UBA3: variants seen among roughly 807,000 people sequenced by gnomAD.
The protein encoded by UBA3 is NEDD8-activating enzyme E1 catalytic subunit.
A neutral mutation model predicts 73.5 loss-of-function variants in UBA3; 26 were observed. The ratio of observed to expected loss-of-function variants is 0.35; its 90% CI spans 0.26 to 0.49. UBA3 has a LOEUF of 0.49. Among genes scored for constraint, UBA3 ranks in the 20% least tolerant of loss-of-function variants. The probability of loss-of-function intolerance (pLI) is 0.98; values close to 1 mark genes in which losing one functional copy is unlikely to be tolerated. For missense variants in UBA3, 495 were observed against 555.6 expected (o/e 0.89, Z 1.10); for synonymous variants, 217 against 191.2 (o/e 1.13, Z -1.11).
intron 1 of UBA3, 55 bp from the exon 2 acceptor site, chr3:69,080,208 AG>A: frequency 5.1e-6 from 3 of 589,722 alleles, no homozygotes; most frequent in Non-Finnish European, 8.4e-6. Flanking sequence ...GGGCGCCGCG[AG>A]GGGAGGGGGG....
In UBA3 at chr3:69,079,308, G is replaced by T. The variant is rs543794112; in HGVS notation, c.62+804C>A. Among the ~76,000 whole-genome samples, 23 of 152,346 alleles carry T rather than the reference G, an allele frequency of 1.5e-4. No individual in the cohort carries two copies. The South Asian group carries it at 4.8e-3, about 32-fold the overall frequency. On this transcript the variant is annotated intron_variant, in intron 2 of 17. Transcript: ENST00000361055. The stretch of plus-strand genomic sequence containing the variant: ...TGGGAGGGAAATAAAAGGCAGGAAA[G>T]AATGTGAAATTAAGTTTGTCATCCC...
intron 2 of UBA3, among the ~76,000 whole-genome samples, chr3:69,078,381 T>C (rs1005329113): frequency 6.6e-6 from 1 of 152,256 alleles, no homozygotes; most frequent in Non-Finnish European, 1.5e-5. Context: ...GCAAATTTAA[T>C]ATTTATGTGT....
intron 1 of UBA3, 85 bp downstream of exon 1, chr3:69,080,249 C>T (rs2092207696): frequency 6.4e-7 from 1 of 1,555,268 alleles, no homozygotes; most frequent in South Asian, 1.2e-5. Flanking sequence ...GTGTGGGGAC[C>T]CCGGGTGGCG....
In UBA3 at chr3:69,057,315, A is replaced by G; in HGVS notation, c.911-6T>C. The G allele has an allele frequency of 6.2e-7, 1 of 1,607,288 alleles. No homozygotes were observed. Among genetic ancestry groups the G allele is most frequent in the South Asian group, 1.1e-5 (1 of 89,568 alleles). ...AATGATTCTTTTTACTACCCCTGAA[A>G]AAACATATCAATTAAAATATGGTCA... On this transcript the variant is annotated splice_region_variant and splice_polypyrimidine_tract_variant and intron_variant, in intron 11 of 17. Coordinates refer to ENST00000361055, the MANE Select transcript of UBA3 (RefSeq NM_003968.4).
At chr3:69,056,368 GT>G in intron 14 of UBA3, 85 bp from the exon 15 acceptor site, 1 of 1,182,066 alleles carries the variant, frequency 8.5e-7, no homozygotes, top group Non-Finnish European at 1.2e-6. Context: ...AAATCAGGTT[GT>G]TTTATAATCA....
chr3:69,057,535 T>C (rs2107480119), intron 11 of UBA3, among the ~76,000 whole-genome samples: 1 of 152,336 alleles, frequency 6.6e-6, no homozygotes, highest in Non-Finnish European at 1.5e-5. Flanking sequence ...AAGTAAGTGC[T>C]ATAGAAAGGT....
chr3:69,078,665 G>T (rs915387805), intron 2 of UBA3, among the ~76,000 whole-genome samples: 2 of 152,050 alleles, frequency 1.3e-5, no homozygotes, highest in Non-Finnish European at 2.9e-5. Flanking sequence ...GTAGAGACGG[G>T]TTTCGCCATG....
intron 6 of UBA3, among the ~76,000 whole-genome samples, 158 bp from the exon 7 acceptor site, chr3:69,064,269 C>T (rs569276790): frequency 3.8e-4 from 58 of 152,208 alleles, no homozygotes; most frequent in Non-Finnish European, 7.5e-4. Context: ...ATGAACACAA[C>T]TCTCCTTTCT....
Position 69,057,243 on chromosome 3 carries a change from T to C in UBA3, c.964+13A>G. ...AAGCAAAATAAACTAAGTGATGGCC[T>C]TTTCTTCCTCACCTGCAATGACTGC... On this transcript the variant is annotated intron_variant, in intron 12 of 17. Coordinates refer to ENST00000361055, the MANE Select transcript of UBA3 (RefSeq NM_003968.4). 1 of 1,605,394 alleles carries C rather than the reference T, an allele frequency of 6.2e-7. No individual in the cohort carries two copies. The highest frequency in any genetic ancestry group is 8.5e-7 in the Non-Finnish European group (1 of 1,177,744).
chr3:69,058,798 A>G (rs1490162976), intron 11 of UBA3, among the ~76,000 whole-genome samples: 1 of 152,216 alleles, frequency 6.6e-6, no homozygotes, highest in Non-Finnish European at 1.5e-5. Flanking sequence ...TACTGAGAAC[A>G]AGGGGAAAAA....
intron 3 of UBA3, 157 bp downstream of exon 3, chr3:69,077,641 G>T (rs2092179138): frequency 2.6e-6 from 2 of 765,612 alleles, no homozygotes; most frequent in Non-Finnish European, 3.8e-6. Context: ...AACAAAATCA[G>T]TTGTGAATAT....
At chr3:69,076,793 A>C (rs1247118578) in intron 3 of UBA3, among the ~76,000 whole-genome samples, 1 of 144,494 alleles carries the variant, frequency 6.9e-6, no homozygotes, top group East Asian at 2.0e-4. Flanking sequence ...GGTTCTCTCT[A>C]TGTTGCCCAG....
intron 9 of UBA3, among the ~76,000 whole-genome samples, chr3:69,062,683 G>A (rs1254483849): frequency 6.6e-6 from 1 of 152,116 alleles, no homozygotes; most frequent in Admixed American, 6.5e-5. Context: ...AAATACAGGT[G>A]AAAACCACAT....
chr3:69,071,866 A>G (rs2092124781), intron 4 of UBA3, among the ~76,000 whole-genome samples: 2 of 152,202 alleles, frequency 1.3e-5, no homozygotes, highest in Admixed American at 6.5e-5. Context: ...CTACGGATTG[A>G]AACTATTTTA....
chr3:69,068,634 G>A (rs1260609551), intron 5 of UBA3, among the ~76,000 whole-genome samples: 1 of 151,674 alleles, frequency 6.6e-6, no homozygotes, highest in East Asian at 1.9e-4. Flanking sequence ...CCAGGCTGGA[G>A]TGCAGTGGTG....
chr3:69,056,165 A>C lies in UBA3; in HGVS notation c.1184+18T>G. On this transcript the variant is annotated intron_variant, in intron 15 of 17. Coordinates refer to ENST00000361055, the MANE Select transcript of UBA3 (RefSeq NM_003968.4). The stretch of plus-strand genomic sequence containing the variant: ...CAAAAATGATTTTTACAACATAACA[A>C]AAATCTACAATACTTACAGAGAAGC... The C allele has an allele frequency of 6.4e-7, 1 of 1,567,254 alleles. No individual in the cohort carries two copies. Among genetic ancestry groups the C allele is most frequent in the Non-Finnish European group, 8.6e-7 (1 of 1,163,626 alleles).
chr3:69,080,102 CAG>C lies in UBA3; in HGVS notation c.62+8_62+9del. ...CCCGGAGAGGGCCCCGGCCTCCCGG[CAG>C]CACTAACTTCTCAGCCAGCAGCTCC... On this transcript the variant is annotated splice_region_variant and intron_variant, in intron 2 of 17. Transcript: ENST00000361055. The C allele has an allele frequency of 6.2e-7, 1 of 1,608,230 alleles. No homozygotes were observed. Among genetic ancestry groups the C allele is most frequent in the Non-Finnish European group, 8.5e-7 (1 of 1,178,512 alleles).
In UBA3 at chr3:69,061,905, ATC is replaced by A. The variant is rs756687928; in HGVS notation, c.817_818del (p.Asp273Ter). On this transcript the variant is annotated frameshift_variant, in exon 11 of 18. Transcript: ENST00000361055. LOFTEE classifies it high-confidence loss of function. ...PFGEGVPLDG[D>X]DPEHIQWIFQ... Reference sequence around the variant, plus strand: ...AAATCCATTGTATATGTTCAGGATCATCTCCATCTAATGGAACCCCTTCTGTT... The same window carrying A: ...AAATCCATTGTATATGTTCAGGATCATCCATCTAATGGAACCCCTTCTGTT... The A allele has an allele frequency of 1.2e-6, 2 of 1,605,924 alleles. No individual in the cohort carries two copies. Among genetic ancestry groups the A allele is most frequent in the Non-Finnish European group, 1.7e-6 (2 of 1,177,060 alleles).
At chr3:69,078,319 C>G (rs906170084) in intron 2 of UBA3, among the ~76,000 whole-genome samples, 1 of 152,054 alleles carries the variant, frequency 6.6e-6, no homozygotes, top group Non-Finnish European at 1.5e-5. Flanking sequence ...ATATGAGATA[C>G]AACAGAGAAA....
Sources: gnomAD v4.1 joint callset for allele counts (sites outside exome capture counted in the v4.1 genomes callset) on GRCh38, gnomAD v4.1.1 for gene constraint, MANE v1.5 for transcripts, NCBI Gene and HGNC (gene_info 2026-07-23, HGNC 2026-07-21) for gene names.